SPATA16: variants seen among roughly 807,000 people sequenced by gnomAD.
SPATA16 encodes spermatogenesis-associated protein 16.
Under a neutral mutation model 63.3 loss-of-function variants are expected in SPATA16, and 36 were observed. That is an observed-to-expected ratio of 0.57 (90% CI 0.44 to 0.75). SPATA16 has a LOEUF of 0.75. SPATA16 is among the 30% of genes least tolerant of loss of function. The probability of loss-of-function intolerance (pLI) is 0.00; values close to 1 mark genes in which losing one functional copy is unlikely to be tolerated. For missense variants in SPATA16, 646 were observed against 679.3 expected, an observed-to-expected ratio of 0.95 and a Z score of 0.54; for synonymous variants, 203 against 216.7, an observed-to-expected ratio of 0.94 and a Z score of 0.56.
rs564964218 is a variant in SPATA16 at position 172,950,384 on chromosome 3, A to G, written c.1081+6293T>C. ...AGCCCCATAGATGAGGGATTTCTTT[A>G]CCTTGGGAACAATTTTCTGATTCTA... is the stretch of plus-strand genomic sequence containing the variant. On this transcript the variant is annotated intron_variant, in intron 6 of 10. Coordinates refer to ENST00000351008, the MANE Select transcript of SPATA16 (RefSeq NM_031955.6). Among the ~76,000 whole-genome samples, 7 of 152,284 alleles carry G rather than the reference A, an allele frequency of 4.6e-5. No homozygotes were observed. In the South Asian group the frequency reaches 8.3e-4, roughly 18 times the overall value.
chr3:172,957,250 C>T (rs750459234), intron 5 of SPATA16, among the ~76,000 whole-genome samples: 7 of 152,012 alleles, frequency 4.6e-5, no homozygotes, highest in African/African-American at 9.7e-5. Context: ...GTAAATAACA[C>T]GGCAAACTAG....
intron 1 of SPATA16, among the ~76,000 whole-genome samples, chr3:173,139,664 A>G (rs1244299601): frequency 1.3e-5 from 2 of 152,194 alleles, no homozygotes; most frequent in African/African-American, 4.8e-5. Flanking sequence ...TATGTAGAGG[A>G]ATGTAGCTTC....
chr3:173,033,848 G>T (rs1735657776), intron 3 of SPATA16, among the ~76,000 whole-genome samples: 2 of 152,212 alleles, frequency 1.3e-5, no homozygotes, highest in South Asian at 2.1e-4. Context: ...GGGACTACAG[G>T]TGTGCACCAC....
At position 173,094,254 on chromosome 3, in the gene SPATA16, A is replaced by T. The variant is rs573446909; in HGVS notation, c.612+22866T>A. 1.1e-4 allele frequency among the ~76,000 whole-genome samples: 16 copies of T among 152,276 alleles called. No homozygotes were observed. In the South Asian group the frequency reaches 3.1e-3, roughly 30 times the overall value. On this transcript the variant is annotated intron_variant, in intron 2 of 10. Transcript: ENST00000351008. Reference sequence around the variant, plus strand: ...GTCCAATTTTATCACCATAAGAACAACATCCAAGGGTCACCGTCCCACTAT... The same window carrying T: ...GTCCAATTTTATCACCATAAGAACATCATCCAAGGGTCACCGTCCCACTAT...
chr3:172,924,057 G>T, intron 8 of SPATA16, 151 bp downstream of exon 8: 1 of 619,828 alleles, frequency 1.6e-6, no homozygotes. Flanking sequence ...AAAATCATTA[G>T]CTAAAATTTG....
chr3:173,004,531 T>C (rs1734897679), intron 4 of SPATA16, among the ~76,000 whole-genome samples: 1 of 151,950 alleles, frequency 6.6e-6, no homozygotes, highest in Non-Finnish European at 1.5e-5. Context: ...TCATCCTCTA[T>C]GTTAACAGTG....
chr3:173,067,690 A>G (rs1006438485), intron 2 of SPATA16, among the ~76,000 whole-genome samples: 3 of 146,894 alleles, frequency 2.0e-5, no homozygotes, highest in Non-Finnish European at 3.0e-5. Flanking sequence ...GATAGGAGTA[A>G]AAATTAATTT....
chr3:173,111,633 A>C (rs1186816494), intron 2 of SPATA16, among the ~76,000 whole-genome samples: 1 of 152,184 alleles, frequency 6.6e-6, no homozygotes, highest in Admixed American at 6.5e-5. Flanking sequence ...TGTGCTCTAG[A>C]GAGTTGCTAC....
intron 6 of SPATA16, among the ~76,000 whole-genome samples, chr3:172,926,846 T>C (rs907029685): frequency 1.3e-5 from 2 of 152,204 alleles, no homozygotes; most frequent in East Asian, 1.9e-4. Flanking sequence ...TTTATTAAAA[T>C]AGATTTCTCA....
At chr3:173,135,908 C>A (rs779630102) in intron 1 of SPATA16, among the ~76,000 whole-genome samples, 7 of 152,132 alleles carry the variant, frequency 4.6e-5, no homozygotes, top group Non-Finnish European at 1.0e-4. Flanking sequence ...GTGCCTTTTA[C>A]CAAATGTATG....
At chr3:173,087,985 C>T (rs934010240) in intron 2 of SPATA16, among the ~76,000 whole-genome samples, 4 of 149,968 alleles carry the variant, frequency 2.7e-5, no homozygotes, top group African/African-American at 9.8e-5. Context: ...CTTGGAGAAT[C>T]TGATGATTAG....
At chr3:172,913,343 T>G (rs1241899637) in intron 10 of SPATA16, among the ~76,000 whole-genome samples, 1 of 152,110 alleles carries the variant, frequency 6.6e-6, no homozygotes, top group African/African-American at 2.4e-5. Context: ...ACTAAAACAC[T>G]GATGAAAGGG....
intron 4 of SPATA16, among the ~76,000 whole-genome samples, chr3:172,986,964 T>A (rs1335360961): frequency 6.6e-6 from 1 of 152,228 alleles, no homozygotes; most frequent in East Asian, 1.9e-4. Flanking sequence ...TAACAAGGAA[T>A]GTGAGAAGAC....
At chr3:173,128,823 G>T (rs567783305) in intron 1 of SPATA16, among the ~76,000 whole-genome samples, 1 of 152,184 alleles carries the variant, frequency 6.6e-6, no homozygotes, top group African/African-American at 2.4e-5. Context: ...TTCTGGTGAC[G>T]TAAGCATATT....
At chr3:172,949,423 A>G (rs1283845618) in intron 6 of SPATA16, among the ~76,000 whole-genome samples, 1 of 152,228 alleles carries the variant, frequency 6.6e-6, no homozygotes, top group Non-Finnish European at 1.5e-5. Context: ...GTAACTCTAC[A>G]AAGTAAAAAA....
chr3:173,054,070 A>G (rs1024915620), intron 2 of SPATA16, among the ~76,000 whole-genome samples: 4 of 151,892 alleles, frequency 2.6e-5, no homozygotes, highest in Non-Finnish European at 5.9e-5. Context: ...TTGGAAAATA[A>G]AAGTATATTA....
intron 6 of SPATA16, among the ~76,000 whole-genome samples, chr3:172,929,556 GTCTC>G (rs369069829): frequency 1.4e-4 from 21 of 149,820 alleles, no homozygotes; most frequent in Non-Finnish European, 2.1e-4. Flanking sequence ...TTCAGTAGTA[GTCTC>G]TCTCTCTCTC....
At chr3:173,114,759 A>G (rs1274051009) in intron 2 of SPATA16, among the ~76,000 whole-genome samples, 4 of 152,344 alleles carry the variant, frequency 2.6e-5, no homozygotes, top group East Asian at 1.9e-4. Flanking sequence ...AAGCCATGTT[A>G]GGACTTAAGG....
At chr3:172,947,892 G>A (rs766277247) in intron 6 of SPATA16, among the ~76,000 whole-genome samples, 12 of 151,888 alleles carry the variant, frequency 7.9e-5, no homozygotes, top group African/African-American at 1.7e-4. Context: ...ACATGTATAC[G>A]TATGTAACAA....
Sources: allele counts gnomAD v4.1 joint callset (sites outside exome capture counted in the v4.1 genomes callset), GRCh38; gene constraint gnomAD v4.1.1; transcripts MANE v1.5; gene names NCBI Gene and HGNC (gene_info 2026-07-23, HGNC 2026-07-21).